ANK2: variants seen among roughly 807,000 people sequenced by gnomAD.
The protein encoded by ANK2 is ankyrin-2.
ANK2 carries 83 observed loss-of-function variants against 360.5 expected under a neutral mutation model. The observed-to-expected ratio is 0.23, with a 90% confidence interval of 0.19 to 0.28. ANK2 has a LOEUF of 0.28. Ranked by LOEUF, ANK2 falls within the 10% of genes least tolerant of loss-of-function variation. The probability of loss-of-function intolerance (pLI) is 1.00; values close to 1 mark genes in which losing one functional copy is unlikely to be tolerated. For missense variants in ANK2, 4,201 were observed against 4,795.7 expected, an observed-to-expected ratio of 0.88 and a Z score of 3.66; for synonymous variants, 1,740 against 1,759.5, an observed-to-expected ratio of 0.99 and a Z score of 0.28.
At chr4:112,766,665 C>T in the ANK2 span, among the ~76,000 whole-genome samples, 2 of 152,178 alleles carry the variant, frequency 1.3e-5, no homozygotes, top group African/African-American at 2.4e-5. Context: ...TACCCTCAAG[C>T]CCAGCAGAAA....
intron 34 of ANK2, among the ~76,000 whole-genome samples, chr4:113,345,080 C>T (rs1026031239): frequency 5.3e-5 from 8 of 152,134 alleles, no homozygotes; most frequent in African/African-American, 7.2e-5. Context: ...TAAAATGATA[C>T]GTTTTATGTT....
chr4:112,969,677 T>C (rs2038720736), intron 2 of ANK2, among the ~76,000 whole-genome samples: 1 of 152,218 alleles, frequency 6.6e-6, no homozygotes, highest in Non-Finnish European at 1.5e-5. Flanking sequence ...TTCAAAATAT[T>C]TTAGGATATC....
intron 2 of ANK2, among the ~76,000 whole-genome samples, chr4:112,920,347 C>T (rs1232335688): frequency 1.3e-5 from 2 of 152,156 alleles, no homozygotes; most frequent in African/African-American, 4.8e-5. Context: ...GACATGGTCT[C>T]ATGACATTAG....
At chr4:113,250,753 C>CGG (rs1421691508) in intron 10 of ANK2, among the ~76,000 whole-genome samples, 1 of 83,066 alleles carries the variant, frequency 1.2e-5, no homozygotes, top group Non-Finnish European at 2.9e-5. Context: ...CCTCATACCA[C>CGG]CGCCCCCCCC....
the ANK2 span, among the ~76,000 whole-genome samples, chr4:112,709,317 AAAGAT>A: frequency 3.3e-5 from 5 of 152,234 alleles, no homozygotes; most frequent in Admixed American, 2.6e-4. Flanking sequence ...TTGTAAAAGA[AAAGAT>A]GAAGAAATGG....
chr4:113,189,856 A>C (rs2153350639), intron 2 of ANK2, among the ~76,000 whole-genome samples: 1 of 152,286 alleles, frequency 6.6e-6, no homozygotes, highest in East Asian at 1.9e-4. Context: ...ATTCTATGTC[A>C]GTAGGAGAAA....
intron 1 of ANK2, among the ~76,000 whole-genome samples, chr4:113,080,302 T>C (rs971742353): frequency 4.6e-5 from 7 of 152,188 alleles, no homozygotes; most frequent in Non-Finnish European, 1.0e-4. Flanking sequence ...TGTCACGTGG[T>C]TAGCTGGGCT....
At chr4:112,735,297 C>T in the ANK2 span, among the ~76,000 whole-genome samples, 2 of 151,958 alleles carry the variant, frequency 1.3e-5, no homozygotes, top group Non-Finnish European at 2.9e-5. Context: ...TGCCACTGCA[C>T]TCCAGGCTGG....
chr4:113,090,776 C>G (rs917753238), intron 1 of ANK2, among the ~76,000 whole-genome samples: 2 of 152,212 alleles, frequency 1.3e-5, no homozygotes, highest in Non-Finnish European at 2.9e-5. Flanking sequence ...AGCATTCCCA[C>G]TCTAATATAA....
At chr4:113,073,428 A>G (rs113021612) in intron 1 of ANK2, among the ~76,000 whole-genome samples, 2 of 152,210 alleles carry the variant, frequency 1.3e-5, no homozygotes, top group African/African-American at 2.4e-5. Context: ...GAATAGATGC[A>G]CTGGGATTGT....
intron 2 of ANK2, among the ~76,000 whole-genome samples, chr4:113,195,334 AC>A (rs1254480004): frequency 6.6e-6 from 1 of 152,078 alleles, no homozygotes; most frequent in Non-Finnish European, 1.5e-5. Flanking sequence ...ATTTAGTACA[AC>A]TTTTTCTTTT....
At chr4:113,265,643 T>A (rs1001409269) in intron 14 of ANK2, among the ~76,000 whole-genome samples, 2 of 152,208 alleles carry the variant, frequency 1.3e-5, no homozygotes, top group Admixed American at 6.5e-5. Flanking sequence ...TTTTCTGTTT[T>A]TAAATCTTAC....
chr4:113,151,781 GT>G (rs1268126334), intron 1 of ANK2, among the ~76,000 whole-genome samples: 1 of 151,754 alleles, frequency 6.6e-6, no homozygotes, highest in African/African-American at 2.4e-5. Context: ...TTTGGTGAAG[GT>G]AGGCTGGGCA....
rs2095542127 is a variant in ANK2, at chr4:113,353,464, T to C, written c.4846T>C (p.Cys1616Arg). The C allele has an allele frequency of 6.2e-7, 1 of 1,614,008 alleles. No individual in the cohort carries two copies. Among genetic ancestry groups the C allele is most frequent in the Non-Finnish European group, 8.5e-7 (1 of 1,179,942 alleles). Residue 1616 changes from cysteine to arginine, a missense_variant, in exon 38 of 46, where the codon TGT becomes CGT. Transcript: ENST00000357077. ...KAPLEITEYP[C>R]VEVRIDKEIK... The stretch of plus-strand genomic sequence containing the variant: ...ACCTTTAGAAATCACTGAATATCCA[T>C]GTGTAGAAGTTAGAATAGATAAAGA...
intron 40 of ANK2, among the ~76,000 whole-genome samples, chr4:113,363,739 C>G (rs1216048760): frequency 3.3e-5 from 5 of 152,126 alleles, no homozygotes; most frequent in Admixed American, 3.3e-4. Flanking sequence ...CAGTTTCCTC[C>G]CACATCCCAA....
intron 4 of ANK2, among the ~76,000 whole-genome samples, chr4:113,222,543 C>G (rs1005694466): frequency 6.6e-6 from 1 of 151,910 alleles, no homozygotes; most frequent in African/African-American, 2.4e-5. Context: ...CAGTTTGATC[C>G]TTATTGAAAA....
intron 10 of ANK2, among the ~76,000 whole-genome samples, chr4:113,251,524 C>T (rs2153609326): frequency 6.8e-6 from 1 of 146,420 alleles, no homozygotes; most frequent in South Asian, 2.2e-4. Context: ...GCTCTGTCGC[C>T]CAGGCTGGAG....
At chr4:113,061,546 A>G (rs1429568945) in intron 1 of ANK2, among the ~76,000 whole-genome samples, 1 of 152,160 alleles carries the variant, frequency 6.6e-6, no homozygotes, top group Non-Finnish European at 1.5e-5. Flanking sequence ...TTATATAACA[A>G]CATCAATAAT....
At chr4:113,287,475 T>C (rs1007524953) in intron 18 of ANK2, 130 bp from the exon 19 acceptor site, 13 of 751,738 alleles carry the variant, frequency 1.7e-5, no homozygotes, top group Non-Finnish European at 3.0e-5. Flanking sequence ...TCAGAAGATA[T>C]AGTTTCTGGG....
Sources: gnomAD v4.1 joint callset for allele counts (sites outside exome capture counted in the v4.1 genomes callset) on GRCh38, gnomAD v4.1.1 for gene constraint, MANE v1.5 for transcripts, NCBI Gene and HGNC (gene_info 2026-07-23, HGNC 2026-07-21) for gene names.